PLIN4: variants seen among roughly 807,000 people sequenced by gnomAD.
PLIN4 encodes perilipin-4.
A neutral mutation model predicts 52.4 loss-of-function variants in PLIN4; 57 were observed. The ratio of observed to expected loss-of-function variants is 1.09; its 90% CI spans 0.88 to 1.36. The LOEUF (loss-of-function observed/expected upper bound fraction) is 1.36, where lower values mean the gene tolerates loss of function less well. Among genes scored for constraint, PLIN4 ranks in the 40% most tolerant of loss-of-function variants. The pLI is 0.00. For missense variants in PLIN4, 1,757 were observed against 1,770.3 expected, an observed-to-expected ratio of 0.99 and a Z score of 0.13; for synonymous variants, 826 against 785.4, an observed-to-expected ratio of 1.05 and a Z score of -0.86.
Position 4,504,938 on chromosome 19 carries a change from C to G in PLIN4, c.3712G>C (p.Ala1238Pro). 1 of 1,603,746 alleles carries G rather than the reference C, an allele frequency of 6.2e-7. No homozygotes were observed. The highest frequency in any genetic ancestry group is 8.5e-7 in the Non-Finnish European group (1 of 1,176,350). ...GGCTGCCCTTCTGGAGCCTGCTGGG[C>G]CTTTTCAATCTGGAGAGAGAGTACA... ...LQDCFRLIEK[A>P]QQAPEGQPRL... Residue 1238 changes from alanine to proline, a missense_variant, in exon 7 of 8, where the codon GCC becomes CCC. By Grantham distance (27) the Ala-to-Pro change is conservative (BLOSUM62 -1). Around this residue, in one of 7 missense-constraint regions of PLIN4, gnomAD observed 712 missense variants for 637.1 expected, o/e 1.12. Transcript: ENST00000301286.
chr19:4,503,329 C>G lies in PLIN4; in HGVS notation c.*1130G>C, dbSNP rs1232127559. 6.6e-6 allele frequency: 1 copy of G among 152,412 alleles called. No individual in the cohort carries two copies. The highest frequency in any genetic ancestry group is 2.4e-5 in the African/African-American group (1 of 41,450). 9.4% of individuals were successfully genotyped at this position (152,412 alleles called of 1,614,324 possible). On this transcript the variant is annotated 3_prime_UTR_variant, in exon 8 of 8. Transcript: ENST00000301286. ...CTCCTCCCCGCTGGACTGAGCGCAG[C>G]CACGGCACGTCTCACACCCGACCTG...
In PLIN4 at chr19:4,518,241, G is replaced by A; in HGVS notation, c.32C>T (p.Pro11Leu). The stretch of plus-strand genomic sequence containing the variant: ...CTTTACCTTGCCCTTCGGTTTGGGG[G>A]GATCCCGTCTCCCTTCGTCTGGAGC... MSAPDEGRRD[P>L]PKPKGKTLGS... is the part of the protein sequence containing the mutation. Residue 11 changes from proline to leucine, a missense_variant, in exon 2 of 8, where the codon CCC becomes CTC. Physicochemically the swap from Pro to Leu is moderately conservative, Grantham distance 98. Around this residue, in one of 7 missense-constraint regions of PLIN4, gnomAD observed 332 missense variants for 310.8 expected, o/e 1.07. Transcript: ENST00000301286. 1 of 1,233,016 alleles carries A rather than the reference G, an allele frequency of 8.1e-7. No individual in the cohort carries two copies. Among genetic ancestry groups the A allele is most frequent in the Middle Eastern group, 3.1e-4 (1 of 3,210 alleles). The allele number at this position is 1,233,016 out of a possible 1,614,324, so 76.4% of individuals were successfully genotyped here. A position where few individuals can be genotyped will look rare whatever the true frequency, so the allele number is the denominator to read the frequency against.
In PLIN4 at chr19:4,511,984, A is replaced by G. The variant is rs767282621; in HGVS notation, c.1976T>C (p.Ile659Thr). ...AAAGGTGTTCTTTGTACCTGTCGCG[A>G]TATTTTGGGTCGTTTTCAGCCCAGT... ...VQTGLKTTQN[I>T]ATGTKNTFGS... The change falls in exon 5 of 8, where the codon ATC (isoleucine) becomes ACC (threonine). Residue 659 changes from isoleucine (I) to threonine (T), a missense_variant. Coordinates refer to ENST00000301286, the MANE Select transcript of PLIN4 (RefSeq NM_001367868.2). 3 of 1,606,920 alleles carry G rather than the reference A, an allele frequency of 1.9e-6. No homozygotes were observed. The highest frequency in any genetic ancestry group is 1.1e-5 in the South Asian group (1 of 90,670).
intron 6 of PLIN4, among the ~76,000 whole-genome samples, chr19:4,507,420 C>G (rs537425591): frequency 6.6e-6 from 1 of 152,200 alleles, no homozygotes; most frequent in East Asian, 1.9e-4. Flanking sequence ...AAAAATTTAA[C>G]CAGGTTTGGT....
At position 4,511,966 on chromosome 19, in the gene PLIN4, T is replaced by C; in HGVS notation, c.1994A>G (p.Asn665Ser). ...TTQNIATGTKNTFGSGVTSAV... is the reference protein window; with the variant it reads ...TTQNIATGTKSTFGSGVTSAV... ...ACTGGTCACCCCACTGCCAAAGGTG[T>C]TCTTTGTACCTGTCGCGATATTTTG... The change falls in exon 5 of 8, where the codon AAC becomes AGC. Residue 665 changes from asparagine (N) to serine (S), a missense_variant. By Grantham distance (46) the Asn-to-Ser change is conservative. Transcript: ENST00000301286. 1 of 1,603,018 alleles carries C rather than the reference T, an allele frequency of 6.2e-7. No individual in the cohort carries two copies. Among genetic ancestry groups the C allele is most frequent in the Non-Finnish European group, 8.5e-7 (1 of 1,173,806 alleles).
chr19:4,516,854 A>G (rs1273057391), intron 3 of PLIN4, among the ~76,000 whole-genome samples, 176 bp from the exon 4 acceptor site: 1 of 152,046 alleles, frequency 6.6e-6, no homozygotes, highest in Admixed American at 6.5e-5. Context: ...TCACCCCCCA[A>G]CCCCGCTGGG....
At position 4,503,289 on chromosome 19, in the gene PLIN4, G is replaced by A. The variant is rs1406826298; in HGVS notation, c.*1170C>T. The A allele has an allele frequency of 6.6e-6, 1 of 152,440 alleles. No individual in the cohort carries two copies. The highest frequency in any genetic ancestry group is 2.1e-4 in the South Asian group (1 of 4,844). The allele number at this position is 152,440 out of a possible 1,614,324, so 9.4% of individuals were successfully genotyped here. On this transcript the variant is annotated 3_prime_UTR_variant, in exon 8 of 8. Coordinates refer to ENST00000301286, the MANE Select transcript of PLIN4 (RefSeq NM_001367868.2). ...GAGTGGGGATATGGCTTCCTGGGGAGGCCGGGCTGAACGGCTCCTCCCCGC... is the reference window on the plus strand; with the variant it reads ...GAGTGGGGATATGGCTTCCTGGGGAAGCCGGGCTGAACGGCTCCTCCCCGC...
Position 4,518,282 on chromosome 19 carries a change from G to C in PLIN4, c.-10C>G. The C allele has an allele frequency of 8.1e-7, 1 of 1,232,668 alleles. No individual in the cohort carries two copies. The allele number at this position is 1,232,668 out of a possible 1,614,324, so 76.4% of individuals were successfully genotyped here. A position where few individuals can be genotyped will look rare whatever the true frequency, so the allele number is the denominator to read the frequency against. On this transcript the variant is annotated 5_prime_UTR_variant, in exon 2 of 8. Transcript: ENST00000301286. Reference sequence around the variant, plus strand: ...CGTCTGGAGCAGACATAGTGAGAACGTGAGAAGCTGGAAGGGGGCAGAGAA... The same window carrying C: ...CGTCTGGAGCAGACATAGTGAGAACCTGAGAAGCTGGAAGGGGGCAGAGAA...
At chr19:4,515,603 G>A (rs1415098067) in intron 4 of PLIN4, among the ~76,000 whole-genome samples, 1 of 152,140 alleles carries the variant, frequency 6.6e-6, no homozygotes, top group African/African-American at 2.4e-5. Flanking sequence ...TTTCAACTGG[G>A]TGATTCTGCC....
chr19:4,507,219 G>A (rs564062034), intron 6 of PLIN4, among the ~76,000 whole-genome samples: 4 of 152,364 alleles, frequency 2.6e-5, no homozygotes, highest in East Asian at 3.9e-4. Context: ...CCTGACCGAG[G>A]GCGGCATCTC....
At chr19:4,506,708 G>C (rs1808587881) in intron 6 of PLIN4, among the ~76,000 whole-genome samples, 1 of 152,242 alleles carries the variant, frequency 6.6e-6, no homozygotes, top group South Asian at 2.1e-4. Context: ...GAGTGCCTGG[G>C]CTGAGTTCTG....
chr19:4,510,735 ATT>A lies in PLIN4; in HGVS notation c.3223_3224del (p.Asn1075TrpfsTer44). 2 of 1,547,476 alleles carry A rather than the reference ATT, an allele frequency of 1.3e-6. No individual in the cohort carries two copies. Among genetic ancestry groups the A allele is most frequent in the South Asian group, 2.5e-5 (2 of 80,656 alleles). On this transcript the variant is annotated frameshift_variant, in exon 5 of 8. Transcript: ENST00000301286. LOFTEE classifies it high-confidence loss of function. ...GGLTSSRTTDNGGEQTALSPQ... is the reference protein window; with the variant it reads ...GGLTSSRTTDXGGEQTALSPQ... ...GGCTCAGGGCAGTCTGCTCCCCACC[ATT>A]GTCTGTGGTCCTGGAACTGGTGAGT...
rs1976184046 is a variant in PLIN4 at position 4,508,888 on chromosome 19, A to G, written c.3582T>C (p.Arg1194=). 6 of 1,613,066 alleles carry G rather than the reference A, an allele frequency of 3.7e-6. No homozygotes were observed. The highest frequency in any genetic ancestry group is 5.1e-6 in the Non-Finnish European group (6 of 1,179,792). ...LSAEQGSYFV[R]LGDLGPSFRQ... is the part of the protein sequence containing the mutation. ...GGAAGCTGGGACCCAGGTCACCTAA[A>G]CGAACGAAGTAGCTCCCCTGTTCCG... The change falls in exon 6 of 8, where the codon CGT becomes CGC. Residue 1194 remains arginine, a synonymous_variant. Transcript: ENST00000301286.
Position 4,510,688 on chromosome 19 carries a change from C to T in PLIN4, c.3272G>A (p.Gly1091Asp), listed in dbSNP as rs1976271619. The change falls in exon 5 of 8, where the codon GGC becomes GAC. Residue 1091 changes from glycine to aspartate, a missense_variant. Gly to Asp is a moderately conservative substitution (Grantham distance 94). Around this residue, in one of 7 missense-constraint regions of PLIN4, gnomAD observed 712 missense variants for 637.1 expected, o/e 1.12. Coordinates refer to ENST00000301286, the MANE Select transcript of PLIN4 (RefSeq NM_001367868.2). ...GAGCACATCCGGGGGCGTGGAGATG[C>T]CAGAGAACGGGGCCTCTTGGGGGCT... is the stretch of plus-strand genomic sequence containing the variant. Reference protein sequence around the residue: ...ALSPQEAPFSGISTPPDVLSV... With the variant: ...ALSPQEAPFSDISTPPDVLSV... 1 of 1,521,198 alleles carries T rather than the reference C, an allele frequency of 6.6e-7. No individual in the cohort carries two copies. Among genetic ancestry groups the T allele is most frequent in the African/African-American group, 1.4e-5 (1 of 72,048 alleles). 94.2% of individuals were successfully genotyped at this position (1,521,198 alleles called of 1,614,324 possible).
rs541243468 is a variant in PLIN4 at position 4,504,048 on chromosome 19, C to T, written c.*411G>A. ...CCTGCACCGCTGATAGCTGGGGGCC[C>T]GTGCTGCAGGACTGGAAGAGCCCTG... On this transcript the variant is annotated 3_prime_UTR_variant, in exon 8 of 8. Transcript: ENST00000301286. The T allele has an allele frequency of 3.0e-5, 5 of 167,312 alleles. No homozygotes were observed. Among genetic ancestry groups the T allele is most frequent in the African/African-American group, 4.8e-5 (2 of 41,950 alleles). The allele number at this position is 167,312 out of a possible 1,614,324, so 10.4% of individuals were successfully genotyped here.
rs955462099 is a variant in PLIN4, at chr19:4,502,493, T to C, written c.*1966A>G. The C allele has an allele frequency of 2.9e-5, 8 of 280,354 alleles. No individual in the cohort carries two copies. Among genetic ancestry groups the C allele is most frequent in the African/African-American group, 1.9e-4 (8 of 42,504 alleles). 17.4% of individuals were successfully genotyped at this position (280,354 alleles called of 1,614,324 possible). A position where few individuals can be genotyped will look rare whatever the true frequency, so the allele number is the denominator to read the frequency against. ...GCACCCACGAGGCTGGGGGGTTTGA[T>C]GCTTCCTGCATCTGGCAGCCCAGGG... On this transcript the variant is annotated 3_prime_UTR_variant, in exon 8 of 8. Transcript: ENST00000301286.
Position 4,513,347 on chromosome 19 carries a change from CTG to C in PLIN4, c.611_612del (p.Thr204SerfsTer57). On this transcript the variant is annotated frameshift_variant, in exon 5 of 8. Coordinates refer to ENST00000301286, the MANE Select transcript of PLIN4 (RefSeq NM_001367868.2). LOFTEE classifies it high-confidence loss of function. ...ACTGCCCCCATGACCCCAGTAGTCA[CTG>C]TGTCTTTGGTGCCGGTCAGCACAGT... Reference protein sequence around the residue: ...TKTVLTGTKDTVTTGVMGAVN... With the variant: ...TKTVLTGTKDXVTTGVMGAVN... 5 of 1,613,656 alleles carry C rather than the reference CTG, an allele frequency of 3.1e-6. No homozygotes were observed. The highest frequency in any genetic ancestry group is 1.7e-5 in the Admixed American group (1 of 60,004).
At chr19:4,505,601 T>C (rs1017959875) in intron 6 of PLIN4, among the ~76,000 whole-genome samples, 2 of 152,176 alleles carry the variant, frequency 1.3e-5, no homozygotes, top group Non-Finnish European at 2.9e-5. Context: ...CACTCAGGAC[T>C]CTGTCCTCGT....
chr19:4,506,781 A>G (rs1016239216), intron 6 of PLIN4, among the ~76,000 whole-genome samples: 11 of 152,270 alleles, frequency 7.2e-5, no homozygotes, highest in African/African-American at 2.7e-4. Flanking sequence ...AGCCGCTTGC[A>G]GCGTGCTGCG....
Sources: gnomAD v4.1 joint callset for allele counts (sites outside exome capture counted in the v4.1 genomes callset) on GRCh38, gnomAD v4.1.1 for gene constraint, gnomAD v4.1.1 regional missense constraint, MANE v1.5 for transcripts, NCBI Gene and HGNC (gene_info 2026-07-23, HGNC 2026-07-21) for gene names.